Variants in TTC39B observed in about 807,000 individuals in gnomAD.
The protein encoded by TTC39B is tetratricopeptide repeat protein 39B.
TTC39B carries 92 observed loss-of-function variants against 96.6 expected under a neutral mutation model. That is an observed-to-expected ratio of 0.95 (90% confidence interval 0.80 to 1.13). The LOEUF is 1.13. TTC39B is among the 50% of genes most tolerant of loss of function. The pLI, the probability that TTC39B is intolerant of heterozygous loss-of-function variation, is 0.00. For missense variants in TTC39B, 955 were observed against 809.3 expected, an observed-to-expected ratio of 1.18 and a Z score of -2.18; for synonymous variants, 367 against 299.4, an observed-to-expected ratio of 1.23 and a Z score of -2.33.
chr9:15,190,782 T>C (rs924696919), intron 10 of TTC39B, 120 bp from the exon 11 acceptor site: 3 of 789,584 alleles, frequency 3.8e-6, no homozygotes, highest in Non-Finnish European at 6.1e-6. Flanking sequence ...TATTACGCTG[T>C]GGTGAAGTCT....
chr9:15,290,025 G>C lies in TTC39B; in HGVS notation c.240+17059C>G, dbSNP rs185195694. Among the ~76,000 whole-genome samples, 174 of 152,230 alleles carry C rather than the reference G, an allele frequency of 1.1e-3. 1 individual carries two copies. The highest frequency in any genetic ancestry group is 6.5e-4 in the Non-Finnish European group (44 of 68,008). The stretch of plus-strand genomic sequence containing the variant: ...TCTTGATTTGTGACACCTAACACTT[G>C]TGCTTTATCCTAATCATATATAATG... On this transcript the variant is annotated intron_variant, in intron 1 of 19. Transcript: ENST00000512701.
At chr9:15,291,195 C>T (rs1824177877) in intron 1 of TTC39B, among the ~76,000 whole-genome samples, 1 of 152,146 alleles carries the variant, frequency 6.6e-6, no homozygotes, top group African/African-American at 2.4e-5. Context: ...GGCTGTGTCC[C>T]CACCCAAATC....
chr9:15,306,305 C>A lies in TTC39B; in HGVS notation c.240+779G>T, dbSNP rs979364395. Among the ~76,000 whole-genome samples the A allele has an allele frequency of 1.3e-5, 2 of 152,214 alleles. No individual in the cohort carries two copies. Among genetic ancestry groups the A allele is most frequent in the African/African-American group, 4.8e-5 (2 of 41,446 alleles). On this transcript the variant is annotated intron_variant, in intron 1 of 19. Transcript: ENST00000512701. The surrounding 1 kb of genome is among the most constrained non-coding windows in gnomAD (Gnocchi z 5.1). The stretch of plus-strand genomic sequence containing the variant: ...ATGAATAGTCAATAAATCAACAGGT[C>A]CGGCGCGCTAGCCCCTGGGTGCTCA...
Position 15,186,670 on chromosome 9 carries a change from G to C in TTC39B, c.1487+274C>G, listed in dbSNP as rs557074190. Reference sequence around the variant, plus strand: ...TCATGCCATGGCTTTTACTAATGTTGATGTTGATGCTACAGTTAATATACA... The same window carrying C: ...TCATGCCATGGCTTTTACTAATGTTCATGTTGATGCTACAGTTAATATACA... On this transcript the variant is annotated intron_variant, in intron 15 of 19. Transcript: ENST00000512701. 261 of 260,824 alleles carry C rather than the reference G, an allele frequency of 1.0e-3. 2 individuals are homozygous for C. Among genetic ancestry groups the C allele is most frequent in the African/African-American group, 5.1e-3 (232 of 45,114 alleles). The allele number at this position is 260,824 out of a possible 1,614,324, so 16.2% of individuals were successfully genotyped here.
chr9:15,219,871 C>G (rs181175021), intron 3 of TTC39B, among the ~76,000 whole-genome samples: 1 of 152,194 alleles, frequency 6.6e-6, no homozygotes, highest in South Asian at 2.1e-4. Flanking sequence ...CCATGACCCT[C>G]ACAAGGGAGG....
intron 5 of TTC39B, among the ~76,000 whole-genome samples, chr9:15,210,643 G>A (rs1820141770): frequency 6.6e-6 from 1 of 152,142 alleles, no homozygotes; most frequent in Non-Finnish European, 1.5e-5. Context: ...GACAGCAACA[G>A]GGGTCATTTC....
At chr9:15,192,692 T>G in exon 9 of TTC39B, 1 of 1,610,866 alleles carries the variant, frequency 6.2e-7, no homozygotes, top group Non-Finnish European at 8.5e-7. Context: ...TAGAAAGACA[T>G]TCTCTGGGTT....
chr9:15,302,670 T>C (rs1224763977), intron 1 of TTC39B, among the ~76,000 whole-genome samples: 1 of 139,554 alleles, frequency 7.2e-6, no homozygotes, highest in Non-Finnish European at 1.5e-5. Flanking sequence ...GTGCTGAAAC[T>C]CTGTTTCTAC....
At chr9:15,241,283 G>C (rs549950018) in intron 2 of TTC39B, among the ~76,000 whole-genome samples, 1 of 149,366 alleles carries the variant, frequency 6.7e-6, no homozygotes, top group Non-Finnish European at 1.5e-5. Context: ...TTAAAATAGA[G>C]AATGCAAGGT....
At chr9:15,210,787 C>G (rs778069373) in intron 5 of TTC39B, among the ~76,000 whole-genome samples, 6 of 151,420 alleles carry the variant, frequency 4.0e-5, no homozygotes, top group Non-Finnish European at 7.4e-5. Context: ...AATAACTTAC[C>G]CCTTGAAAAA....
At chr9:15,230,212 C>CT (rs1219674511) in intron 2 of TTC39B, among the ~76,000 whole-genome samples, 1 of 152,128 alleles carries the variant, frequency 6.6e-6, no homozygotes, top group Non-Finnish European at 1.5e-5. Flanking sequence ...ACGGCTCTAA[C>CT]TTTTAAGTTT....
exon 14 of TTC39B, chr9:15,188,086 T>G: frequency 6.2e-7 from 1 of 1,609,642 alleles, no homozygotes; most frequent in Middle Eastern, 1.7e-4. Flanking sequence ...GTGAAACTGT[T>G]TCCATTCTTC....
chr9:15,278,939 C>T (rs1823649501), intron 1 of TTC39B, among the ~76,000 whole-genome samples: 1 of 152,148 alleles, frequency 6.6e-6, no homozygotes, highest in South Asian at 2.1e-4. Context: ...CATAGTGACC[C>T]TAACAGATAG....
chr9:15,272,763 A>C lies in TTC39B; in HGVS notation c.241-4815T>G, dbSNP rs144523176. Reference sequence around the variant, plus strand: ...CTCTGTACTTCATGGACTCTTAGCAAATCATGGTTAGCTAACTAACTGGCT... The same window carrying C: ...CTCTGTACTTCATGGACTCTTAGCACATCATGGTTAGCTAACTAACTGGCT... On this transcript the variant is annotated intron_variant, in intron 1 of 19. Transcript: ENST00000512701. Among the ~76,000 whole-genome samples, 197 of 152,304 alleles carry C rather than the reference A, an allele frequency of 1.3e-3. 1 individual carries two copies. The highest frequency in any genetic ancestry group is 4.5e-3 in the African/African-American group (188 of 41,566).
chr9:15,278,676 T>A (rs978581024), intron 1 of TTC39B, among the ~76,000 whole-genome samples: 1 of 152,234 alleles, frequency 6.6e-6, no homozygotes. Context: ...AGTGGAGGTA[T>A]TTTTAAATTA....
At chr9:15,199,535 A>T (rs1371020810) in intron 8 of TTC39B, among the ~76,000 whole-genome samples, 1 of 151,766 alleles carries the variant, frequency 6.6e-6, no homozygotes, top group East Asian at 1.9e-4. Context: ...GGAGATCGAG[A>T]CCATCCTGAC....
chr9:15,217,788 A>G (rs1820604134), intron 3 of TTC39B, among the ~76,000 whole-genome samples: 1 of 152,174 alleles, frequency 6.6e-6, no homozygotes, highest in South Asian at 2.1e-4. Flanking sequence ...TTCCTAAAAC[A>G]GATGCTCATC....
At chr9:15,242,361 C>A (rs890091915) in intron 2 of TTC39B, among the ~76,000 whole-genome samples, 5 of 152,110 alleles carry the variant, frequency 3.3e-5, no homozygotes, top group African/African-American at 1.2e-4. Context: ...GCAGGCGGAT[C>A]ACTTGAGTCC....
Position 15,275,161 on chromosome 9 carries a change from C to A in TTC39B, c.241-7213G>T, listed in dbSNP as rs12342348. ...AGTTCAAGCGATTCTCCTGCCTCAGCCTCCCAAGTAGCTGAGATTACAGGC... is the reference window on the plus strand; with the variant it reads ...AGTTCAAGCGATTCTCCTGCCTCAGACTCCCAAGTAGCTGAGATTACAGGC... On this transcript the variant is annotated intron_variant, in intron 1 of 19. Coordinates refer to ENST00000512701, the Ensembl canonical transcript of TTC39B. Among the ~76,000 whole-genome samples, 6 of 152,016 alleles carry A rather than the reference C, an allele frequency of 3.9e-5. No homozygotes were observed. In the East Asian group the frequency reaches 5.8e-4, roughly 15 times the overall value.
Sources: allele counts gnomAD v4.1 joint callset (sites outside exome capture counted in the v4.1 genomes callset), GRCh38; gene constraint gnomAD v4.1.1; non-coding constraint Gnocchi (gnomAD v3.1); transcripts MANE v1.5; gene names NCBI Gene and HGNC (gene_info 2026-07-23, HGNC 2026-07-21).